SELENOP: variants seen among roughly 807,000 people sequenced by gnomAD.
SELENOP encodes the protein selenoprotein P, plasma, 1.
A neutral mutation model predicts 41.0 loss-of-function variants in SELENOP; 36 were observed. That is an observed-to-expected ratio of 0.88 (90% CI 0.67 to 1.16). The LOEUF is 1.16. Among genes scored for constraint, SELENOP ranks in the 50% most tolerant of loss-of-function variants. The pLI, the probability that SELENOP is intolerant of heterozygous loss-of-function variation, is 0.00. For missense variants in SELENOP, 440 were observed against 454.2 expected (o/e 0.97, Z 0.28); for synonymous variants, 144 against 150.8 (o/e 0.95, Z 0.33).
In SELENOP at chr5:42,801,242, C is replaced by T. The variant is rs778453889; in HGVS notation, c.624G>A (p.Glu208=). Residue 208 remains glutamate (E), a synonymous_variant, in exon 5 of 5, where the codon GAG becomes GAA. Coordinates refer to ENST00000514985, the MANE Select transcript of SELENOP (RefSeq NM_005410.4). ...VETPSPHYHH[E]HHHNHGHQHL... ...GCTGATGTCCATGATTGTGATGATG[C>T]TCATGATGGTAATGAGGCGATGGAG... 1.2e-6 allele frequency: 2 copies of T among 1,614,046 alleles called. No homozygotes were observed. The highest frequency in any genetic ancestry group is 2.2e-5 in the East Asian group (1 of 44,874).
At position 42,800,563 on chromosome 5, in the gene SELENOP, A is replaced by G. The variant is rs1760160794; in HGVS notation, c.*157T>C. ...TATGGTTTGAGTCAATATTTCTATG[A>G]CATAAAATTTAAAATCTGGAAGCCA... On this transcript the variant is annotated 3_prime_UTR_variant, in exon 5 of 5. Coordinates refer to ENST00000514985, the MANE Select transcript of SELENOP (RefSeq NM_005410.4). 2.4e-6 allele frequency: 2 copies of G among 844,646 alleles called. No individual in the cohort carries two copies. The highest frequency in any genetic ancestry group is 1.8e-6 in the Non-Finnish European group (1 of 564,902). The allele number at this position is 844,646 out of a possible 1,614,324, so 52.3% of individuals were successfully genotyped here.
At chr5:42,806,871 G>T in intron 3 of SELENOP, 25 bp downstream of exon 3, 1 of 1,322,700 alleles carries the variant, frequency 7.6e-7, no homozygotes. Flanking sequence ...TTAAATTTGG[G>T]ATGTGTTTGT....
chr5:42,805,863 C>G (rs230819), intron 3 of SELENOP: 1 of 151,862 alleles, frequency 6.6e-6, no homozygotes, highest in African/African-American at 2.4e-5. Flanking sequence ...TTTCAAAAAT[C>G]AAAGTCATTT....
chr5:42,810,824 C>A, intron 1 of SELENOP: 1 of 997,008 alleles, frequency 1.0e-6, no homozygotes, highest in Non-Finnish European at 1.2e-6. Flanking sequence ...TCATTTCCCT[C>A]ATTTAGGTTT....
rs969474544 is a variant in SELENOP at position 42,800,651 on chromosome 5, A to G, written c.*69T>C. On this transcript the variant is annotated 3_prime_UTR_variant, in exon 5 of 5. Coordinates refer to ENST00000514985, the MANE Select transcript of SELENOP (RefSeq NM_005410.4). ...TCTATTTTTGGTTCACTAATTTGGT[A>G]GTTTATAAAAATGCTGGAAATGAAA... 38 of 1,486,494 alleles carry G rather than the reference A, an allele frequency of 2.6e-5. No homozygotes were observed. The highest frequency in any genetic ancestry group is 3.3e-5 in the Non-Finnish European group (37 of 1,110,476). 92.1% of individuals were successfully genotyped at this position (1,486,494 alleles called of 1,614,324 possible).
chr5:42,800,965 A>G lies in SELENOP; in HGVS notation c.901T>C (p.Cys301Arg), dbSNP rs757380639. The G allele has an allele frequency of 1.2e-5, 20 of 1,614,142 alleles. No homozygotes were observed. The highest frequency in any genetic ancestry group is 1.6e-5 in the Non-Finnish European group (19 of 1,180,056). The change falls in exon 5 of 5, where the codon TGC (cysteine) becomes CGC (arginine). Residue 301 changes from cysteine to arginine, a missense_variant. Transcript: ENST00000514985. ...AATATCAGATGTCGACAATGGCAGCATCAGCTCCTAGGAGCCAACTCTGAA... is the reference window on the plus strand; with the variant it reads ...AATATCAGATGTCGACAATGGCAGCGTCAGCTCCTAGGAGCCAACTCTGAA... ...TDSELAPRSU[C>R]CHCRHLIFEK...
rs1760145490 is a variant in SELENOP, at chr5:42,800,034, C to T, written c.*686G>A. On this transcript the variant is annotated 3_prime_UTR_variant, in exon 5 of 5. Transcript: ENST00000514985. ...CCATCATTGACTATGGAAATACTTACTAAGCAATATAGAGACAGACAATAT... is the reference window on the plus strand; with the variant it reads ...CCATCATTGACTATGGAAATACTTATTAAGCAATATAGAGACAGACAATAT... 1 of 396,670 alleles carries T rather than the reference C, an allele frequency of 2.5e-6. No individual in the cohort carries two copies. The highest frequency in any genetic ancestry group is 4.4e-6 in the Non-Finnish European group (1 of 226,004). 24.6% of individuals were successfully genotyped at this position (396,670 alleles called of 1,614,324 possible).
In SELENOP at chr5:42,801,854, T is replaced by A. The variant is rs28919918; in HGVS notation, c.535-523A>T. On this transcript the variant is annotated intron_variant, in intron 4 of 4. Transcript: ENST00000514985. ...ATCGTTTGAGCCTGCAAGATGGAGG[T>A]TGCAGTGAGCTCAGATGGTGCCACT... The A allele has an allele frequency of 9.1e-3, 1,396 of 153,310 alleles. 21 individuals are homozygous for A. The highest frequency in any genetic ancestry group is 0.032 in the African/African-American group (1,329 of 41,506). The allele number at this position is 153,310 out of a possible 1,614,324, so 9.5% of individuals were successfully genotyped here. A position where few individuals can be genotyped will look rare whatever the true frequency, so the allele number is the denominator to read the frequency against.
chr5:42,810,828 T>G, intron 1 of SELENOP: 1 of 989,670 alleles, frequency 1.0e-6, no homozygotes, highest in Non-Finnish European at 1.2e-6. Context: ...TTCCCTCATT[T>G]AGGTTTATGA....
intron 3 of SELENOP, chr5:42,806,188 C>A (rs1311809098): frequency 2.0e-5 from 3 of 152,170 alleles, no homozygotes; most frequent in East Asian, 1.9e-4. Flanking sequence ...GGCTGCCATA[C>A]CTGATGGTTT....
chr5:42,800,884 A>G lies in SELENOP; in HGVS notation c.982T>C (p.Cys328Arg), dbSNP rs1282353306. ...TCTGCCCGAAGTCCCTGTCAGCTACATAAAGATGGGAGGTTTTCTTTACAC... is the reference window on the plus strand; with the variant it reads ...TCTGCCCGAAGTCCCTGTCAGCTACGTAAAGATGGGAGGTTTTCTTTACAC... ...UQCKENLPSL[C>R]SUQGLRAEEN... The change falls in exon 5 of 5, where the codon TGT becomes CGT. Residue 328 changes from cysteine to arginine, a missense_variant. Coordinates refer to ENST00000514985, the MANE Select transcript of SELENOP (RefSeq NM_005410.4). 6.2e-7 allele frequency: 1 copy of G among 1,614,220 alleles called. No homozygotes were observed. The highest frequency in any genetic ancestry group is 1.7e-5 in the Admixed American group (1 of 60,024).
chr5:42,805,641 G>A (rs1333764208), intron 3 of SELENOP: 2 of 152,082 alleles, frequency 1.3e-5, no homozygotes, highest in South Asian at 2.1e-4. Flanking sequence ...CAGAAATTCA[G>A]GTATGTAGCC....
chr5:42,804,553 T>G, intron 4 of SELENOP, 103 bp downstream of exon 4: 2 of 612,822 alleles, frequency 3.3e-6, no homozygotes, highest in East Asian at 2.8e-5. Flanking sequence ...TTATTTATTT[T>G]TAGTACACCT....
Position 42,807,064 on chromosome 5 carries a change from T to C in SELENOP, c.248A>G (p.Asn83Ser). ...RVKLKKEGYS[N>S]ISYIVVNHQG... ...ATGATTAACAACAATATAAGAAATA[T>C]TAGAATATCCTTCTTTCTTCAGTTT... Residue 83 changes from asparagine (N) to serine (S), a missense_variant, in exon 3 of 5, where the codon AAT becomes AGT. Transcript: ENST00000514985. 6.4e-7 allele frequency: 1 copy of C among 1,551,450 alleles called. No individual in the cohort carries two copies. Among genetic ancestry groups the C allele is most frequent in the Non-Finnish European group, 8.9e-7 (1 of 1,127,478 alleles).
rs946707673 is a variant in SELENOP, at chr5:42,799,884, C to G, written c.*836G>C. 7.8e-7 allele frequency: 1 copy of G among 1,274,542 alleles called. No homozygotes were observed. Among genetic ancestry groups the G allele is most frequent in the African/African-American group, 1.5e-5 (1 of 65,872 alleles). 79.0% of individuals were successfully genotyped at this position (1,274,542 alleles called of 1,614,324 possible). A position where few individuals can be genotyped will look rare whatever the true frequency, so the allele number is the denominator to read the frequency against. On this transcript the variant is annotated 3_prime_UTR_variant, in exon 5 of 5. Coordinates refer to ENST00000514985, the MANE Select transcript of SELENOP (RefSeq NM_005410.4). ...CAGCCTACATAACAAACGAAGTCAG[C>G]TTTAAGGTTTTTATTGAATTTATTT... is the stretch of plus-strand genomic sequence containing the variant.
chr5:42,810,054 A>G (rs1579739288), intron 1 of SELENOP, among the ~76,000 whole-genome samples: 1 of 152,156 alleles, frequency 6.6e-6, no homozygotes, highest in Non-Finnish European at 1.5e-5. Context: ...ATGTCAGTTA[A>G]TCCTTAAAAC....
intron 2 of SELENOP, chr5:42,807,311 C>A (rs1760354523): frequency 1.3e-5 from 5 of 372,248 alleles, no homozygotes; most frequent in Middle Eastern, 1.5e-3. Flanking sequence ...TTAATTAAAA[C>A]CTTATGCTTA....
Position 42,804,841 on chromosome 5 carries a change from C to G in SELENOP, c.417-68G>C, listed in dbSNP as rs1015965718. 8 of 1,013,234 alleles carry G rather than the reference C, an allele frequency of 7.9e-6. No homozygotes were observed. The African/African-American group carries it at 9.8e-5, about 12-fold the overall frequency. 62.8% of individuals were successfully genotyped at this position (1,013,234 alleles called of 1,614,324 possible). On this transcript the variant is annotated intron_variant, in intron 3 of 4. Transcript: ENST00000514985. Reference sequence around the variant, plus strand: ...TATCACGATCCTACTCAAATACAGTCTGGGATAGGTATTATAGGTTTAATG... The same window carrying G: ...TATCACGATCCTACTCAAATACAGTGTGGGATAGGTATTATAGGTTTAATG...
At chr5:42,802,608 C>G (rs758496174) in intron 4 of SELENOP, among the ~76,000 whole-genome samples, 3 of 151,912 alleles carry the variant, frequency 2.0e-5, no homozygotes, top group African/African-American at 7.3e-5. Context: ...AGTCTAATTT[C>G]TTTCATTTAT....
Sources: allele counts gnomAD v4.1 joint callset (sites outside exome capture counted in the v4.1 genomes callset), GRCh38; gene constraint gnomAD v4.1.1; transcripts MANE v1.5; gene names NCBI Gene and HGNC (gene_info 2026-07-23, HGNC 2026-07-21).